The following ATP6V0D1 variants were observed in gnomAD, a reference collection of about 807,000 sequenced individuals.
ATP6V0D1 encodes ATPase H+ transporting V0 subunit d1.
ATP6V0D1 carries 13 observed loss-of-function variants against 39.0 expected under a neutral mutation model. That is an observed-to-expected ratio of 0.33 (90% CI 0.22 to 0.53). ATP6V0D1 has a LOEUF of 0.53. ATP6V0D1 is among the 20% of genes least tolerant of loss of function. The pLI, the probability that ATP6V0D1 is intolerant of heterozygous loss-of-function variation, is 0.94. For synonymous variants in ATP6V0D1, 191 were observed against 191.2 expected, an observed-to-expected ratio of 1.00 and a Z score of 0.01; for missense variants, 272 against 470.9, an observed-to-expected ratio of 0.58 and a Z score of 3.91.
In ATP6V0D1 at chr16:67,469,222, C is replaced by G. The variant is rs184853863; in HGVS notation, c.130+11735G>C. On this transcript the variant is annotated intron_variant, in intron 1 of 7. Coordinates refer to ENST00000290949, the MANE Select transcript of ATP6V0D1 (RefSeq NM_004691.5). ...ACTCAGAAAGCTGAGGCAGGAGGAT[C>G]GTTTCAACCTGGGAGGCGGAGGTTG... Among the ~76,000 whole-genome samples the G allele has an allele frequency of 7.4e-3, 1,122 of 152,286 alleles. 6 individuals are homozygous for G. The highest frequency in any genetic ancestry group is 0.012 in the Non-Finnish European group (793 of 68,024).
In ATP6V0D1 at chr16:67,481,096, G is replaced by A; in HGVS notation, c.-10C>T. 1.2e-6 allele frequency: 2 copies of A among 1,613,770 alleles called. No homozygotes were observed. The highest frequency in any genetic ancestry group is 1.1e-5 in the South Asian group (1 of 91,060). Reference sequence around the variant, plus strand: ...CCGGGAAGAACGACATGGCTGCTGCGGGAGCGGCGGGACCGGAGAACCAGG... The same window carrying A: ...CCGGGAAGAACGACATGGCTGCTGCAGGAGCGGCGGGACCGGAGAACCAGG... On this transcript the variant is annotated 5_prime_UTR_variant, in exon 1 of 8. Coordinates refer to ENST00000290949, the MANE Select transcript of ATP6V0D1 (RefSeq NM_004691.5).
intron 7 of ATP6V0D1, 32 bp from the exon 8 acceptor site, chr16:67,438,721 G>A (rs756952941): frequency 6.2e-7 from 1 of 1,614,152 alleles, no homozygotes; most frequent in Non-Finnish European, 8.5e-7. Flanking sequence ...GTGTCCAGGT[G>A]GCCATGGCCA....
chr16:67,472,205 T>C (rs535233244), intron 1 of ATP6V0D1, among the ~76,000 whole-genome samples: 74 of 152,274 alleles, frequency 4.9e-4, no homozygotes, highest in African/African-American at 1.6e-3. Flanking sequence ...CACTGAGCAC[T>C]GGGGTCCCCT....
chr16:67,475,736 C>T lies in ATP6V0D1; in HGVS notation c.130+5221G>A, dbSNP rs540217671. Among the ~76,000 whole-genome samples, 26 of 152,262 alleles carry T rather than the reference C, an allele frequency of 1.7e-4. No individual in the cohort carries two copies. The East Asian group carries it at 5.0e-3, about 29-fold the overall frequency. On this transcript the variant is annotated intron_variant, in intron 1 of 7. Transcript: ENST00000290949. ...CAAGCTGTTTGCTTCTCTGTATTTT[C>T]CAAGTTTCTGAGTAAGAGAAGAGCT...
intron 1 of ATP6V0D1, among the ~76,000 whole-genome samples, chr16:67,465,617 T>C (rs1295179826): frequency 1.3e-5 from 2 of 152,182 alleles, no homozygotes; most frequent in Non-Finnish European, 2.9e-5. Context: ...GCTGCTGGCA[T>C]GACCCAGGTG....
In ATP6V0D1 at chr16:67,472,537, T is replaced by C. The variant is rs138952482; in HGVS notation, c.130+8420A>G. ...TGGTCATCTAATTTCACCAATTCAA[T>C]AGAGTTTCCTTTGACAAACAAAATG... On this transcript the variant is annotated intron_variant, in intron 1 of 7. Transcript: ENST00000290949. Among the ~76,000 whole-genome samples the C allele has an allele frequency of 5.3e-3, 810 of 152,162 alleles. 1 individual carries two copies. Among genetic ancestry groups the C allele is most frequent in the Non-Finnish European group, 9.8e-3 (666 of 67,966 alleles).
At position 67,481,082 on chromosome 16, in the gene ATP6V0D1, G is replaced by C. The variant is rs1318300842; in HGVS notation, c.5C>G (p.Ser2Trp). 4 of 1,613,940 alleles carry C rather than the reference G, an allele frequency of 2.5e-6. No individual in the cohort carries two copies. The African/African-American group carries it at 5.3e-5, about 22-fold the overall frequency. Residue 2 changes from serine to tryptophan, a missense_variant, in exon 1 of 8, where the codon TCG (serine) becomes TGG (tryptophan). Coordinates refer to ENST00000290949, the MANE Select transcript of ATP6V0D1 (RefSeq NM_004691.5). M[S>W]FFPELYFNVD... ...GTTAAAGTAAAGCTCCGGGAAGAAC[G>C]ACATGGCTGCTGCGGGAGCGGCGGG...
At chr16:67,455,472 C>T (rs1197221220) in intron 1 of ATP6V0D1, 3 of 152,224 alleles carry the variant, frequency 2.0e-5, no homozygotes, top group Non-Finnish European at 4.4e-5. Flanking sequence ...AGGCCACACT[C>T]ATGACCTCTG....
At chr16:67,471,004 T>A (rs1339929102) in intron 1 of ATP6V0D1, among the ~76,000 whole-genome samples, 2 of 152,218 alleles carry the variant, frequency 1.3e-5, no homozygotes, top group Non-Finnish European at 2.9e-5. Flanking sequence ...GCAAGTGTCC[T>A]GCTTCTGGCC....
intron 1 of ATP6V0D1, among the ~76,000 whole-genome samples, chr16:67,475,969 C>T (rs760705080): frequency 6.6e-6 from 1 of 152,196 alleles, no homozygotes; most frequent in Non-Finnish European, 1.5e-5. Flanking sequence ...GTGGCTCACA[C>T]CTGTAATCCC....
At chr16:67,459,131 C>T (rs1447694584) in intron 1 of ATP6V0D1, 1 of 985,572 alleles carries the variant, frequency 1.0e-6, no homozygotes, top group South Asian at 4.7e-5. Flanking sequence ...GTGCTACTTG[C>T]TGGCCAGAGT....
intron 2 of ATP6V0D1, among the ~76,000 whole-genome samples, chr16:67,446,614 C>T (rs543440079): frequency 7.9e-4 from 120 of 152,208 alleles, no homozygotes; most frequent in African/African-American, 2.6e-3. Flanking sequence ...TTTTCTACCC[C>T]GGACAGCACA....
At chr16:67,470,741 A>G (rs1421228136) in intron 1 of ATP6V0D1, among the ~76,000 whole-genome samples, 1 of 151,390 alleles carries the variant, frequency 6.6e-6, no homozygotes, top group Non-Finnish European at 1.5e-5. Context: ...CCACCCCCCA[A>G]TCTGCACCCC....
At chr16:67,478,652 T>A (rs2041437225) in intron 1 of ATP6V0D1, among the ~76,000 whole-genome samples, 1 of 135,916 alleles carries the variant, frequency 7.4e-6, no homozygotes, top group African/African-American at 2.8e-5. Flanking sequence ...AAGAAATGTG[T>A]GTGAATGAGC....
Position 67,438,974 on chromosome 16 carries a change from G to T in ATP6V0D1, c.813C>A (p.Tyr271Ter). The T allele has an allele frequency of 6.2e-7, 1 of 1,613,736 alleles. No homozygotes were observed. Among genetic ancestry groups the T allele is most frequent in the Non-Finnish European group, 8.5e-7 (1 of 1,179,846 alleles). Residue 271 changes from tyrosine (Y) to a stop codon, truncating the protein, a stop_gained, in exon 6 of 8, where the codon TAC becomes TAA. Coordinates refer to ENST00000290949, the MANE Select transcript of ATP6V0D1 (RefSeq NM_004691.5). LOFTEE classifies it high-confidence loss of function. Reference sequence around the variant, plus strand: ...TCCTGCCAGCCGGGGCACTCACCGGGTAGTAATCGGCCACGTTCTTGACCT... The same window carrying T: ...TCCTGCCAGCCGGGGCACTCACCGGTTAGTAATCGGCCACGTTCTTGACCT... ...YEQVKNVADY[Y>*]PEYKLLFEGA...
chr16:67,468,167 T>G (rs2041345174), intron 1 of ATP6V0D1, among the ~76,000 whole-genome samples: 1 of 152,176 alleles, frequency 6.6e-6, no homozygotes, highest in Non-Finnish European at 1.5e-5. Context: ...AACACATGCC[T>G]GTACTCCCAG....
Position 67,453,730 on chromosome 16 carries a change from TA to T in ATP6V0D1, c.131-16del, listed in dbSNP as rs1405199863. 4 of 1,612,782 alleles carry T rather than the reference TA, an allele frequency of 2.5e-6. No homozygotes were observed. The highest frequency in any genetic ancestry group is 3.4e-6 in the Non-Finnish European group (4 of 1,179,704). ...CAGTTTCAAGTCTGAAACCCAAGGG[TA>T]GGGGGTAAGGGCTAGCCTTGCTGGG... On this transcript the variant is annotated splice_polypyrimidine_tract_variant and intron_variant, in intron 1 of 7. Transcript: ENST00000290949. The surrounding 1 kb of genome is among the most constrained non-coding windows in gnomAD (Gnocchi z 4.1).
chr16:67,473,949 C>T (rs1402847860), intron 1 of ATP6V0D1, among the ~76,000 whole-genome samples: 1 of 152,202 alleles, frequency 6.6e-6, no homozygotes, highest in African/African-American at 2.4e-5. Context: ...GCCACCGTTT[C>T]TGGCCAGTTT....
At chr16:67,457,640 C>T (rs2041251085) in intron 1 of ATP6V0D1, 5 of 1,289,294 alleles carry the variant, frequency 3.9e-6, no homozygotes, top group Non-Finnish European at 5.1e-6. Context: ...TCCCTTGTGG[C>T]ACCATCCATT....
Sources: gnomAD v4.1 joint callset for allele counts (sites outside exome capture counted in the v4.1 genomes callset) on GRCh38, gnomAD v4.1.1 for gene constraint, Gnocchi (gnomAD v3.1) non-coding constraint, MANE v1.5 for transcripts, NCBI Gene and HGNC (gene_info 2026-07-23, HGNC 2026-07-21) for gene names.